The following TAFA1 variants were observed in gnomAD, a reference collection of about 807,000 sequenced individuals.
TAFA1 encodes chemokine-like protein TAFA-1.
Under a neutral mutation model 18.5 loss-of-function variants are expected in TAFA1, and 4 were observed. The observed-to-expected ratio is 0.22, with a 90% confidence interval of 0.11 to 0.49. The LOEUF is 0.49. Among genes scored for constraint, TAFA1 ranks in the 20% least tolerant of loss-of-function variants. The pLI is 0.98. For synonymous variants in TAFA1, 56 were observed against 55.2 expected (o/e 1.01, Z -0.06); for missense variants, 147 against 169.0 (o/e 0.87, Z 0.72).
intron 3 of TAFA1, among the ~76,000 whole-genome samples, chr3:68,435,616 C>A (rs969156390): frequency 6.6e-6 from 1 of 152,130 alleles, no homozygotes; most frequent in African/African-American, 2.4e-5. Context: ...GGTCAATGCT[C>A]TGATATTTAG....
Position 68,445,122 on chromosome 3 carries a change from A to T in TAFA1, c.259+27702A>T, listed in dbSNP as rs115276322. On this transcript the variant is annotated intron_variant, in intron 3 of 4. Transcript: ENST00000478136. ...AAAACTTAGACATGCTGATATTTAC[A>T]TCTCTAAGACATTTCATACATTATA... Among the ~76,000 whole-genome samples, 1,259 of 152,246 alleles carry T rather than the reference A, an allele frequency of 8.3e-3. 13 individuals carry two copies. Among genetic ancestry groups the T allele is most frequent in the African/African-American group, 0.028 (1,156 of 41,556 alleles).
At chr3:68,034,007 C>T (rs1042910775) in intron 2 of TAFA1, among the ~76,000 whole-genome samples, 1 of 152,066 alleles carries the variant, frequency 6.6e-6, no homozygotes, top group Admixed American at 6.6e-5. Context: ...CTGTATAGAC[C>T]GGAGCAAAGA....
At chr3:68,261,504 T>G (rs148424334) in intron 2 of TAFA1, among the ~76,000 whole-genome samples, 11,550 of 152,208 alleles carry the variant, frequency 0.076, 552 homozygotes, top group African/African-American at 0.13. Flanking sequence ...AGCAAAGTCT[T>G]GGAACCAACC....
intron 2 of TAFA1, among the ~76,000 whole-genome samples, chr3:68,376,085 G>A (rs1257184242): frequency 6.6e-6 from 1 of 152,046 alleles, no homozygotes; most frequent in African/African-American, 2.4e-5. Flanking sequence ...CCATCTCCAA[G>A]GGTCTGCACA....
intron 2 of TAFA1, among the ~76,000 whole-genome samples, chr3:68,144,055 G>A (rs2065705031): frequency 1.3e-5 from 2 of 151,080 alleles, no homozygotes; most frequent in African/African-American, 4.9e-5. Context: ...CTTTTTGAAA[G>A]AGGAAAAAAA....
intron 2 of TAFA1, among the ~76,000 whole-genome samples, chr3:68,268,058 A>C (rs1247380534): frequency 1.3e-5 from 2 of 152,254 alleles, no homozygotes; most frequent in Middle Eastern, 3.4e-3. Flanking sequence ...GTGTTGAAAA[A>C]TTTCTGACTT....
intron 2 of TAFA1, among the ~76,000 whole-genome samples, chr3:68,194,360 C>A (rs761787753): frequency 2.6e-5 from 4 of 151,548 alleles, no homozygotes; most frequent in Admixed American, 1.3e-4. Context: ...ATTGTTTTCC[C>A]CACGTAGATT....
intron 2 of TAFA1, among the ~76,000 whole-genome samples, chr3:68,014,276 G>A (rs1229113694): frequency 6.6e-6 from 1 of 152,148 alleles, no homozygotes; most frequent in East Asian, 1.9e-4. Context: ...ACTGCATTAG[G>A]ATCAGCAGGC....
At chr3:68,541,082 C>T (rs990926050) in intron 4 of TAFA1, among the ~76,000 whole-genome samples, 8 of 152,276 alleles carry the variant, frequency 5.3e-5, no homozygotes, top group African/African-American at 1.7e-4. Context: ...CCTGTTCTGA[C>T]GTATACATCC....
intron 2 of TAFA1, among the ~76,000 whole-genome samples, chr3:68,070,944 A>G (rs1395740817): frequency 2.6e-5 from 4 of 152,218 alleles, no homozygotes; most frequent in Non-Finnish European, 4.4e-5. Context: ...AAGCCATTCA[A>G]CAAGTCTCTA....
At chr3:68,281,480 T>C (rs1270004968) in intron 2 of TAFA1, among the ~76,000 whole-genome samples, 2 of 149,234 alleles carry the variant, frequency 1.3e-5, no homozygotes, top group Admixed American at 6.7e-5. Flanking sequence ...TTTTTTTTTT[T>C]TTTTTTTGAG....
intron 2 of TAFA1, among the ~76,000 whole-genome samples, chr3:68,320,002 A>G (rs1257337694): frequency 6.6e-6 from 1 of 152,146 alleles, no homozygotes; most frequent in Non-Finnish European, 1.5e-5. Flanking sequence ...TTTTACCTGA[A>G]TATTTTATGT....
chr3:68,395,135 A>T (rs956380553), intron 2 of TAFA1, among the ~76,000 whole-genome samples: 1 of 152,180 alleles, frequency 6.6e-6, no homozygotes, highest in Non-Finnish European at 1.5e-5. Context: ...TGGCCAAAGG[A>T]TATAAACAAA....
At chr3:68,298,688 T>C (rs1292565614) in intron 2 of TAFA1, among the ~76,000 whole-genome samples, 1 of 152,194 alleles carries the variant, frequency 6.6e-6, no homozygotes, top group Non-Finnish European at 1.5e-5. Flanking sequence ...AAGTGTTAGG[T>C]AGTTCCTCCA....
chr3:68,261,872 A>T (rs968560103), intron 2 of TAFA1, among the ~76,000 whole-genome samples: 34 of 151,996 alleles, frequency 2.2e-4, no homozygotes, highest in African/African-American at 8.2e-4. Flanking sequence ...CATATGTAAC[A>T]AACCTGCAGG....
intron 3 of TAFA1, among the ~76,000 whole-genome samples, chr3:68,427,906 A>T (rs1202274034): frequency 6.6e-6 from 1 of 151,904 alleles, no homozygotes; most frequent in Non-Finnish European, 1.5e-5. Context: ...TGCTGCCACC[A>T]TGTAATTTGT....
chr3:68,317,000 T>A (rs1192685812), intron 2 of TAFA1, among the ~76,000 whole-genome samples: 1 of 152,174 alleles, frequency 6.6e-6, no homozygotes, highest in Non-Finnish European at 1.5e-5. Context: ...TAGCAGTATA[T>A]GAGTGACTCA....
intron 2 of TAFA1, among the ~76,000 whole-genome samples, chr3:68,185,080 C>T (rs2066253467): frequency 6.6e-6 from 1 of 152,100 alleles, no homozygotes; most frequent in African/African-American, 2.4e-5. Flanking sequence ...CATGACACTC[C>T]TAGGCTATCA....
chr3:68,370,219 C>G (rs192921748), intron 2 of TAFA1, among the ~76,000 whole-genome samples: 1 of 120,338 alleles, frequency 8.3e-6, no homozygotes, highest in Non-Finnish European at 1.6e-5. Context: ...ACCCGGGAGG[C>G]GGAGGTTGCA....
Sources: allele counts gnomAD v4.1 joint callset (sites outside exome capture counted in the v4.1 genomes callset), GRCh38; gene constraint gnomAD v4.1.1; transcripts MANE v1.5; gene names NCBI Gene and HGNC (gene_info 2026-07-23, HGNC 2026-07-21).